NRG3: variants seen among roughly 807,000 people sequenced by gnomAD.
The protein encoded by NRG3 is neuregulin 3, also known as pro-neuregulin-3, membrane-bound isoform.
NRG3 carries 31 observed loss-of-function variants against 66.9 expected under a neutral mutation model. The observed-to-expected ratio is 0.46, with a 90% CI of 0.35 to 0.63. The LOEUF (loss-of-function observed/expected upper bound fraction) is 0.63, where lower values mean the gene tolerates loss of function less well. NRG3 is among the 20% of genes least tolerant of loss of function. The probability of loss-of-function intolerance (pLI) is 0.00; values close to 1 mark genes in which losing one functional copy is unlikely to be tolerated. For missense variants in NRG3, 910 were observed against 878.9 expected (o/e 1.04, Z -0.45); for synonymous variants, 393 against 359.4 (o/e 1.09, Z -1.06).
At chr10:82,391,304 C>T (rs996084311) in intron 2 of NRG3, among the ~76,000 whole-genome samples, 4 of 152,042 alleles carry the variant, frequency 2.6e-5, no homozygotes, top group African/African-American at 9.7e-5. Context: ...ACCACCTTGC[C>T]AGAAAGGAAG....
At chr10:82,494,737 G>T (rs1843459634) in intron 2 of NRG3, among the ~76,000 whole-genome samples, 1 of 152,028 alleles carries the variant, frequency 6.6e-6, no homozygotes, top group South Asian at 2.1e-4. Flanking sequence ...AAGACCCTTT[G>T]TTAATAATCA....
At chr10:82,752,813 T>C (rs1253383306) in intron 3 of NRG3, among the ~76,000 whole-genome samples, 1 of 152,196 alleles carries the variant, frequency 6.6e-6, no homozygotes, top group East Asian at 1.9e-4. Context: ...AAGGGCCTTT[T>C]ACCTGCCAGC....
intron 4 of NRG3, among the ~76,000 whole-genome samples, chr10:82,905,886 T>G (rs915213790): frequency 1.3e-5 from 2 of 152,174 alleles, no homozygotes; most frequent in Non-Finnish European, 2.9e-5. Context: ...CTGGGCTTCA[T>G]GTGGATGCTA....
At chr10:81,905,989 C>T (rs1219643260) in intron 1 of NRG3, among the ~76,000 whole-genome samples, 10 of 152,116 alleles carry the variant, frequency 6.6e-5, no homozygotes, top group African/African-American at 1.2e-4. Flanking sequence ...TTAAAGACTT[C>T]GGGATTAGAG....
intron 2 of NRG3, among the ~76,000 whole-genome samples, chr10:82,719,203 G>A (rs942459208): frequency 1.3e-5 from 2 of 152,178 alleles, no homozygotes; most frequent in Admixed American, 1.3e-4. Flanking sequence ...TGTGGTGGAG[G>A]TGTGTGTATT....
intron 1 of NRG3, among the ~76,000 whole-genome samples, chr10:82,039,304 A>G (rs1322520433): frequency 1.3e-5 from 2 of 152,134 alleles, no homozygotes; most frequent in Non-Finnish European, 2.9e-5. Context: ...AACATTTTTT[A>G]AATTAAATAC....
chr10:82,806,907 A>ACTCTTTTTTTCTT, intron 3 of NRG3, among the ~76,000 whole-genome samples: 6 of 152,172 alleles, frequency 3.9e-5, no homozygotes, highest in Non-Finnish European at 1.5e-5. Context: ...TCCTACCTGC[A>ACTCTTTTTTTCTT]AATCATTTTA....
chr10:82,118,758 TTAA>T (rs2067888911), intron 1 of NRG3, among the ~76,000 whole-genome samples: 1 of 152,084 alleles, frequency 6.6e-6, no homozygotes, highest in Admixed American at 6.6e-5. Flanking sequence ...ATGTGGAAAG[TTAA>T]TAAAAAACAG....
At chr10:82,166,647 C>CATATATATATATGTGTGT in intron 1 of NRG3, 1 of 395,700 alleles carries the variant, frequency 2.5e-6, no homozygotes, top group Non-Finnish European at 4.4e-6. Flanking sequence ...TATATACACA[C>CATATATATATATGTGTGT]ATATATATGT....
intron 2 of NRG3, among the ~76,000 whole-genome samples, chr10:82,403,222 A>G (rs749894579): frequency 6.6e-6 from 1 of 151,952 alleles, no homozygotes; most frequent in Non-Finnish European, 1.5e-5. Flanking sequence ...CTCAGTGAAC[A>G]CTCTATTCAT....
At chr10:82,700,770 G>A (rs2055808216) in intron 2 of NRG3, among the ~76,000 whole-genome samples, 1 of 152,080 alleles carries the variant, frequency 6.6e-6, no homozygotes, top group Non-Finnish European at 1.5e-5. Flanking sequence ...ATAAATCGTA[G>A]TTTTAAACTA....
At chr10:82,578,053 T>C (rs2046136268) in intron 2 of NRG3, among the ~76,000 whole-genome samples, 1 of 151,280 alleles carries the variant, frequency 6.6e-6, no homozygotes, top group African/African-American at 2.4e-5. Context: ...CAAAGGCCAA[T>C]AAAGAAGGAA....
chr10:82,203,241 G>A (rs1309997160), intron 1 of NRG3, among the ~76,000 whole-genome samples: 1 of 152,046 alleles, frequency 6.6e-6, no homozygotes, highest in Non-Finnish European at 1.5e-5. Context: ...AAAAAGAAGA[G>A]CTTGAGTTGG....
At position 82,299,560 on chromosome 10, in the gene NRG3, T is replaced by TTC. The variant is rs144851812; in HGVS notation, c.824-59178_824-59177insCT. Among the ~76,000 whole-genome samples, 21 of 151,526 alleles carry TTC rather than the reference T, an allele frequency of 1.4e-4. No individual in the cohort carries two copies. The East Asian group carries it at 4.1e-3, about 29-fold the overall frequency. On this transcript the variant is annotated intron_variant, in intron 1 of 8. Coordinates refer to ENST00000372141, the MANE Select transcript of NRG3 (RefSeq NM_001010848.4). ...TCCAATCCAGCCCTGTTTTTTTTTT[T>TTC]TATTGTTGTTGTTAGTTTGTTTTGT...
chr10:82,490,798 A>G (rs1843028241), intron 2 of NRG3, among the ~76,000 whole-genome samples: 1 of 152,022 alleles, frequency 6.6e-6, no homozygotes, highest in Admixed American at 6.6e-5. Context: ...CTTTCTCATT[A>G]TTGCTACTGT....
At chr10:82,552,804 GAAGTT>G (rs940795805) in intron 2 of NRG3, among the ~76,000 whole-genome samples, 1 of 152,136 alleles carries the variant, frequency 6.6e-6, no homozygotes, top group Admixed American at 6.6e-5. Context: ...GAGACTTAGA[GAAGTT>G]AAGTGATGGG....
intron 1 of NRG3, among the ~76,000 whole-genome samples, chr10:82,229,948 G>A (rs964858917): frequency 4.6e-5 from 7 of 152,060 alleles, no homozygotes; most frequent in African/African-American, 1.7e-4. Context: ...AATTAACAGT[G>A]AGTTAAAACA....
chr10:82,824,620 A>G (rs2062104620), intron 3 of NRG3, among the ~76,000 whole-genome samples: 3 of 151,856 alleles, frequency 2.0e-5, no homozygotes, highest in Admixed American at 2.0e-4. Context: ...CCTAACAGCT[A>G]GTAATATTGA....
chr10:82,828,735 A>T (rs2062369555), intron 3 of NRG3, among the ~76,000 whole-genome samples: 1 of 152,200 alleles, frequency 6.6e-6, no homozygotes, highest in African/African-American at 2.4e-5. Flanking sequence ...ATGAGGCTAC[A>T]AAATAAGTTG....
Sources: gnomAD v4.1 joint callset for allele counts (sites outside exome capture counted in the v4.1 genomes callset) on GRCh38, gnomAD v4.1.1 for gene constraint, MANE v1.5 for transcripts, NCBI Gene and HGNC (gene_info 2026-07-23, HGNC 2026-07-21) for gene names.